The following ZBED6 variants were observed in gnomAD, a reference collection of about 807,000 sequenced individuals.
ZBED6 encodes zinc finger BED domain-containing protein 6.
Under a neutral mutation model 58.4 loss-of-function variants are expected in ZBED6, and 40 were observed. The observed-to-expected ratio is 0.68, with a 90% CI of 0.53 to 0.89. ZBED6 has a LOEUF of 0.89. Among genes scored for constraint, ZBED6 ranks in the 40% least tolerant of loss-of-function variants. The pLI, the probability that ZBED6 is intolerant of heterozygous loss-of-function variation, is 0.00. For missense variants in ZBED6, 1,057 were observed against 1,003.9 expected (o/e 1.05, Z -0.71); for synonymous variants, 439 against 350.6 (o/e 1.25, Z -2.82).
At chr1:203,805,532 A>C in intron 1 of ZBED6, 1 of 537,242 alleles carries the variant, frequency 1.9e-6, no homozygotes, top group Non-Finnish European at 3.7e-6. Context: ...AAGAAAGGAC[A>C]GAAACGTATC....
intron 3 of ZBED6, among the ~76,000 whole-genome samples, chr1:203,822,674 G>C (rs780469280): frequency 1.1e-4 from 17 of 152,086 alleles, no homozygotes; most frequent in Admixed American, 3.3e-4. Flanking sequence ...CAGAGACATT[G>C]CTAACCCTGC....
At chr1:203,813,426 G>A (rs1445011202) in intron 1 of ZBED6, among the ~76,000 whole-genome samples, 1 of 152,050 alleles carries the variant, frequency 6.6e-6, no homozygotes, top group African/African-American at 2.4e-5. Flanking sequence ...TTGTATTTAA[G>A]TTGTTATCCA....
At chr1:203,799,713 C>G (rs1387632786) in exon 1 of ZBED6, 1 of 726,920 alleles carries the variant, frequency 1.4e-6, no homozygotes, top group Non-Finnish European at 2.5e-6. Context: ...AGAAGATTTT[C>G]AAGTCAGAGG....
At chr1:203,828,060 G>A (rs574610914) in intron 3 of ZBED6, among the ~76,000 whole-genome samples, 1 of 152,064 alleles carries the variant, frequency 6.6e-6, no homozygotes, top group Non-Finnish European at 1.5e-5. Flanking sequence ...ACATTTTAGG[G>A]GTTCCAGGAT....
exon 17 of ZBED6, chr1:203,853,112 C>T (rs374959867): frequency 6.6e-6 from 1 of 151,682 alleles, no homozygotes; most frequent in South Asian, 2.1e-4. Flanking sequence ...CTGGGATTCC[C>T]TGGATTCATT....
At chr1:203,818,627 A>G in exon 3 of ZBED6, 2 of 1,614,184 alleles carry the variant, frequency 1.2e-6, no homozygotes, top group Non-Finnish European at 1.7e-6. Flanking sequence ...AACTGTTTGC[A>G]CATTATGGCA....
intron 11 of ZBED6, among the ~76,000 whole-genome samples, chr1:203,841,358 T>A (rs1686130364): frequency 6.6e-6 from 1 of 152,144 alleles, no homozygotes; most frequent in Admixed American, 6.5e-5. Flanking sequence ...GTGATGACTC[T>A]TAACGAGCAT....
At chr1:203,822,110 G>A (rs1342505921) in intron 3 of ZBED6, among the ~76,000 whole-genome samples, 1 of 152,062 alleles carries the variant, frequency 6.6e-6, no homozygotes, top group Non-Finnish European at 1.5e-5. Flanking sequence ...TCATATAGAT[G>A]CTTCCAGTTC....
At chr1:203,833,340 G>T (rs1212100632) in intron 8 of ZBED6, among the ~76,000 whole-genome samples, 1 of 146,764 alleles carries the variant, frequency 6.8e-6, no homozygotes, top group Non-Finnish European at 1.5e-5. Context: ...ACTCTAGCCT[G>T]GGCGACAGAG....
chr1:203,798,897 C>G (rs1190539131), exon 1 of ZBED6: 1 of 1,536,092 alleles, frequency 6.5e-7, no homozygotes, highest in South Asian at 1.2e-5. Context: ...GGCTGTACCT[C>G]AGTTATATGA....
rs530888220 is a variant in ZBED6, at chr1:203,847,474, G to T, written c.*4032G>T. 4.0e-5 allele frequency: 65 copies of T among 1,613,914 alleles called. No individual in the cohort carries two copies. The Middle Eastern group carries it at 8.3e-4, about 20-fold the overall frequency. On this transcript the variant is annotated 3_prime_UTR_variant, in exon 12 of 17. Coordinates refer to ENST00000550078, the Ensembl canonical transcript of ZBED6. ...TGATAGTGAAATTAAAAAAACAGTA[G>T]TTTTGCCACCCATTGTTGCCAGCAG...
intron 8 of ZBED6, among the ~76,000 whole-genome samples, chr1:203,833,327 T>C (rs1274217999): frequency 7.0e-6 from 1 of 142,834 alleles, no homozygotes; most frequent in East Asian, 2.1e-4. Context: ...ATCGGGCCAC[T>C]GCACTCTAGC....
At chr1:203,798,239 C>T in exon 1 of ZBED6, 1 of 1,536,000 alleles carries the variant, frequency 6.5e-7, no homozygotes, top group Non-Finnish European at 8.7e-7. Flanking sequence ...CATCTGATGC[C>T]CTAAGGGCAG....
At chr1:203,818,958 A>G (rs1432842851) in intron 3 of ZBED6, among the ~76,000 whole-genome samples, 2 of 150,988 alleles carry the variant, frequency 1.3e-5, no homozygotes, top group East Asian at 4.0e-4. Context: ...AATTCCAGCT[A>G]CTCGGGAGGC....
At chr1:203,851,891 C>T (rs913262393) in intron 16 of ZBED6, among the ~76,000 whole-genome samples, 5 of 146,124 alleles carry the variant, frequency 3.4e-5, no homozygotes, top group African/African-American at 1.3e-4. Flanking sequence ...ATCGCTTGAG[C>T]CCAGGAGGTC....
intron 1 of ZBED6, among the ~76,000 whole-genome samples, chr1:203,806,812 A>ATATT (rs2102539519): frequency 7.5e-6 from 1 of 133,628 alleles, no homozygotes; most frequent in African/African-American, 2.7e-5. Context: ...TGTTGAGTGG[A>ATATT]TATTGCACCT....
chr1:203,844,927 G>A (rs1687479706), intron 11 of ZBED6, among the ~76,000 whole-genome samples: 1 of 151,936 alleles, frequency 6.6e-6, no homozygotes, highest in Admixed American at 6.6e-5. Flanking sequence ...GCTCTTCGTG[G>A]GCAAACTTGC....
At chr1:203,799,005 T>C in exon 1 of ZBED6, 1 of 1,536,196 alleles carries the variant, frequency 6.5e-7, no homozygotes, top group Non-Finnish European at 8.7e-7. Flanking sequence ...ATCCACTGAC[T>C]ATTTTATTGT....
intron 1 of ZBED6, among the ~76,000 whole-genome samples, chr1:203,807,662 G>A (rs2102559519): frequency 6.6e-6 from 1 of 152,164 alleles, no homozygotes; most frequent in Middle Eastern, 3.4e-3. Context: ...AAGTAGCTAG[G>A]ACCACAGATG....
Sources: allele counts gnomAD v4.1 joint callset (sites outside exome capture counted in the v4.1 genomes callset), GRCh38; gene constraint gnomAD v4.1.1; transcripts MANE v1.5; gene names NCBI Gene and HGNC (gene_info 2026-07-23, HGNC 2026-07-21).